The following DDOST variants were observed in gnomAD, a reference collection of about 807,000 sequenced individuals.
DDOST encodes dolichyl-diphosphooligosaccharide--protein glycosyltransferase 48 kDa subunit.
Under a neutral mutation model 47.6 loss-of-function variants are expected in DDOST, and 25 were observed. That is an observed-to-expected ratio of 0.53 (90% CI 0.38 to 0.73). The LOEUF (loss-of-function observed/expected upper bound fraction) is 0.73, where lower values mean the gene tolerates loss of function less well. Ranked by LOEUF, DDOST falls within the 30% of genes least tolerant of loss-of-function variation. DDOST has a pLI of 0.00. For synonymous variants in DDOST, 275 were observed against 236.0 expected, an observed-to-expected ratio of 1.17 and a Z score of -1.51; for missense variants, 526 against 573.9, an observed-to-expected ratio of 0.92 and a Z score of 0.85.
At chr1:20,653,007 T>G in intron 8 of DDOST, 36 bp from the exon 9 acceptor site, 1 of 1,612,084 alleles carries the variant, frequency 6.2e-7, no homozygotes, top group Non-Finnish European at 8.5e-7. Flanking sequence ...GGGCTGGCCA[T>G]GACTGGAGGC....
In DDOST at chr1:20,652,400, C is replaced by T; in HGVS notation, c.1299G>A (p.Lys433=). 1 of 1,613,412 alleles carries T rather than the reference C, an allele frequency of 6.2e-7. No individual in the cohort carries two copies. The highest frequency in any genetic ancestry group is 8.5e-7 in the Non-Finnish European group (1 of 1,179,690). The stretch of plus-strand genomic sequence containing the variant: ...CCCCTCAGTCGGACTTCTCCTTCTC[C>T]TTCATGTGCAAGAAGACGATGCTGA... ...FIFSIVFLHM[K]EKEKSD Residue 433 remains lysine, a synonymous_variant, in exon 11 of 11, where the codon AAG becomes AAA. Transcript: ENST00000602624.
chr1:20,655,173 T>C (rs1161548606), intron 5 of DDOST, among the ~76,000 whole-genome samples: 6 of 113,540 alleles, frequency 5.3e-5, no homozygotes, highest in Non-Finnish European at 1.2e-4. Context: ...TTTTTTTTGT[T>C]TTTTTTTTTT....
chr1:20,656,175 T>G lies in DDOST; in HGVS notation c.278A>C (p.Asn93Thr), dbSNP rs772770995. ...GGCACTGATGGTCTCCACGTTGATG[T>G]TGCCTCCAAAATCTGAAAGCAGGCA... ...FSPSVEDFGGNINVETISAFI... is the reference protein window; with the variant it reads ...FSPSVEDFGGTINVETISAFI... Residue 93 changes from asparagine to threonine, a missense_variant, in exon 3 of 11, where the codon AAC becomes ACC. Asn to Thr is a moderately conservative substitution (Grantham distance 65). Transcript: ENST00000602624. The G allele has an allele frequency of 3.7e-6, 6 of 1,614,050 alleles. No individual in the cohort carries two copies. The highest frequency in any genetic ancestry group is 5.1e-6 in the Non-Finnish European group (6 of 1,179,930).
At position 20,655,428 on chromosome 1, in the gene DDOST, T is replaced by C. The variant is rs1162380921; in HGVS notation, c.551+12A>G. On this transcript the variant is annotated intron_variant, in intron 5 of 10. Transcript: ENST00000602624. ...CAGGTTTCTGCTGTCCTCTCCCTGC[T>C]CACTCACTCACCCAACACCTCGAAA... 1 of 1,601,548 alleles carries C rather than the reference T, an allele frequency of 6.2e-7. No individual in the cohort carries two copies. Among genetic ancestry groups the C allele is most frequent in the Non-Finnish European group, 8.5e-7 (1 of 1,170,242 alleles).
At chr1:20,655,952 A>G (rs996711068) in intron 3 of DDOST, 149 bp downstream of exon 3, 1 of 817,958 alleles carries the variant, frequency 1.2e-6, no homozygotes, top group African/African-American at 1.7e-5. Flanking sequence ...TGCCTCCAGG[A>G]GTCAGATTCT....
rs1273443341 is a variant in DDOST, at chr1:20,652,627, G to C, written c.1164C>G (p.Ser388=). The C allele has an allele frequency of 6.2e-7, 1 of 1,614,066 alleles. No homozygotes were observed. The highest frequency in any genetic ancestry group is 1.1e-5 in the South Asian group (1 of 91,082). ...AGCTGTCACCTGTGCTTACCTGAGT[G>C]GAAGAGTACAGGTGTGTGTAGCCTA... ...NRLGYTHLYS[S]TQVSVRPLQH... Residue 388 remains serine, a synonymous_variant, in exon 10 of 11, where the codon TCC becomes TCG. Coordinates refer to ENST00000602624, the MANE Select transcript of DDOST (RefSeq NM_005216.5).
At chr1:20,655,951 G>T in intron 3 of DDOST, 150 bp downstream of exon 3, 1 of 819,396 alleles carries the variant, frequency 1.2e-6, no homozygotes, top group East Asian at 2.5e-5. Flanking sequence ...CTGCCTCCAG[G>T]AGTCAGATTC....
chr1:20,655,726 T>C lies in DDOST; in HGVS notation c.406A>G (p.Lys136Glu). The C allele has an allele frequency of 1.2e-6, 2 of 1,614,144 alleles. No homozygotes were observed. Among genetic ancestry groups the C allele is most frequent in the East Asian group, 2.2e-5 (1 of 44,868 alleles). ...TTGTGATGGTCAATGACAGCCGTTT[T>C]CTCCTCGTCAAACTCAATCCCGCAC... ...SECGIEFDEE[K>E]TAVIDHHNYD... Residue 136 changes from lysine (K) to glutamate (E), a missense_variant, in exon 4 of 11, where the codon AAA (lysine) becomes GAA (glutamate). Physicochemically the swap from Lys to Glu is moderately conservative, Grantham distance 56. Transcript: ENST00000602624.
At position 20,652,621 on chromosome 1, in the gene DDOST, C is replaced by T. The variant is rs1170078495; in HGVS notation, c.1170G>A (p.Gln390=). 2 of 1,614,074 alleles carry T rather than the reference C, an allele frequency of 1.2e-6. No individual in the cohort carries two copies. The highest frequency in any genetic ancestry group is 1.3e-5 in the African/African-American group (1 of 74,924). Residue 390 remains glutamine (Q), a splice_region_variant and synonymous_variant, in exon 10 of 11, where the codon CAG becomes CAA. Coordinates refer to ENST00000602624, the MANE Select transcript of DDOST (RefSeq NM_005216.5). The part of the protein sequence containing the change: ...LGYTHLYSST[Q]VSVRPLQHTQ... ...AACAGAAGCTGTCACCTGTGCTTAC[C>T]TGAGTGGAAGAGTACAGGTGTGTGT...
At chr1:20,658,849 CTCTTT>C (rs1371849696) in intron 2 of DDOST, among the ~76,000 whole-genome samples, 7 of 147,888 alleles carry the variant, frequency 4.7e-5, no homozygotes, top group East Asian at 2.0e-4. Flanking sequence ...AGTTTTTTTT[CTCTTT>C]TCTTTTTTTT....
intron 2 of DDOST, among the ~76,000 whole-genome samples, chr1:20,657,601 C>A (rs2053389106): frequency 6.6e-6 from 1 of 152,140 alleles, no homozygotes; most frequent in African/African-American, 2.4e-5. Flanking sequence ...GAAGGACGGA[C>A]ATGCCAATTT....
chr1:20,652,889 C>T lies in DDOST; in HGVS notation c.1025G>A (p.Arg342His), dbSNP rs776936181. 7.4e-6 allele frequency: 12 copies of T among 1,614,198 alleles called. No individual in the cohort carries two copies. Among genetic ancestry groups the T allele is most frequent in the South Asian group, 6.6e-5 (6 of 91,080 alleles). Residue 342 changes from arginine (R) to histidine (H), a missense_variant, in exon 9 of 11, where the codon CGC (arginine) becomes CAC (histidine). Transcript: ENST00000602624. ...DGDDIQLEFV[R>H]IDPFVRTFLK... is the part of the protein sequence containing the mutation. ...GAAGGTCCTCACAAAAGGATCAATG[C>T]GGACAAACTCCAGCTGAATGTCATC...
At position 20,661,204 on chromosome 1, in the gene DDOST, G is replaced by A. The variant is rs774852781; in HGVS notation, c.147C>T (p.Ser49=). Residue 49 remains serine (S), a synonymous_variant, in exon 1 of 11, where the codon AGC becomes AGT. Coordinates refer to ENST00000602624, the MANE Select transcript of DDOST (RefSeq NM_005216.5). ...CTCGGACCCCGCTCTCACCCTTCAG[G>A]CTCCGGAAGAAAAGCGAATGAGTCT... ...VRETHSLFFR[S]LKDRGFELTF... is the part of the protein sequence containing the mutation. 64 of 1,613,596 alleles carry A rather than the reference G, an allele frequency of 4.0e-5. No homozygotes were observed. The highest frequency in any genetic ancestry group is 5.1e-5 in the Non-Finnish European group (60 of 1,179,928).
chr1:20,655,566 A>G (rs1043222730), intron 4 of DDOST, 32 bp from the exon 5 acceptor site: 1 of 1,608,304 alleles, frequency 6.2e-7, no homozygotes, highest in African/African-American at 1.3e-5. Flanking sequence ...GTGGGTGGTC[A>G]GGAAAAGGTT....
chr1:20,653,431 A>G (rs984258586), intron 8 of DDOST, among the ~76,000 whole-genome samples, 196 bp downstream of exon 8: 5 of 152,206 alleles, frequency 3.3e-5, no homozygotes, highest in African/African-American at 1.2e-4. Flanking sequence ...CCTCTTCAAA[A>G]GAAGTGCTCC....
chr1:20,655,602 C>T, intron 4 of DDOST, 68 bp from the exon 5 acceptor site: 1 of 1,593,744 alleles, frequency 6.3e-7, no homozygotes, highest in East Asian at 2.2e-5. Context: ...AACCTCCTCA[C>T]ACCCTCTTGG....
intron 7 of DDOST, among the ~76,000 whole-genome samples, 174 bp downstream of exon 7, chr1:20,654,049 G>T (rs1010949977): frequency 6.6e-6 from 1 of 152,202 alleles, no homozygotes; most frequent in Admixed American, 6.5e-5. Flanking sequence ...TAAAAAATTG[G>T]AAGTGCCAAT....
Position 20,652,832 on chromosome 1 carries a change from G to A in DDOST, c.1063+19C>T, listed in dbSNP as rs755396887. ...TGGGGCCGTTTCTGGCAGCATCCTC[G>A]TGCAGGAACTACACTCACCTTTCTT... On this transcript the variant is annotated intron_variant, in intron 9 of 10. Transcript: ENST00000602624. 46 of 1,614,056 alleles carry A rather than the reference G, an allele frequency of 2.8e-5. No homozygotes were observed. Among genetic ancestry groups the A allele is most frequent in the South Asian group, 1.5e-4 (14 of 91,084 alleles).
chr1:20,659,696 G>C (rs1029614975), intron 2 of DDOST, among the ~76,000 whole-genome samples: 2 of 152,210 alleles, frequency 1.3e-5, no homozygotes, highest in South Asian at 2.1e-4. Flanking sequence ...AGGGAGTTGG[G>C]AGTGACACAG....
Sources: gnomAD v4.1 joint callset for allele counts (sites outside exome capture counted in the v4.1 genomes callset) on GRCh38, gnomAD v4.1.1 for gene constraint, MANE v1.5 for transcripts, NCBI Gene and HGNC (gene_info 2026-07-23, HGNC 2026-07-21) for gene names.